Variants in BRPF1 observed in about 807,000 individuals in gnomAD.
BRPF1 encodes bromodomain and PHD finger containing 1.
A neutral mutation model predicts 115.0 loss-of-function variants in BRPF1; 15 were observed. The observed-to-expected ratio is 0.13, with a 90% CI of 0.09 to 0.20. BRPF1 has a LOEUF of 0.20. Among genes scored for constraint, BRPF1 ranks in the 10% least tolerant of loss-of-function variants. BRPF1 has a pLI of 1.00. For missense variants in BRPF1, 1,118 were observed against 1,638.3 expected (o/e 0.68, Z 5.48); for synonymous variants, 647 against 619.8 (o/e 1.04, Z -0.65).
intron 2 of BRPF1, among the ~76,000 whole-genome samples, chr3:9,736,032 G>C (rs1318853491): frequency 1.2e-4 from 1 of 8,254 alleles, no homozygotes; most frequent in Non-Finnish European, 2.2e-4. Flanking sequence ...TTTTTTTTGA[G>C]ACGGAGTCTC....
chr3:9,741,941 C>T, intron 5 of BRPF1, 84 bp from the exon 6 acceptor site: 1 of 1,539,398 alleles, frequency 6.5e-7, no homozygotes, highest in East Asian at 2.3e-5. Context: ...AGGCGGGTTC[C>T]CAGGCCAGCT....
At position 9,743,735 on chromosome 3, in the gene BRPF1, G is replaced by A. The variant is rs765462387; in HGVS notation, c.2469G>A (p.Thr823=). Reference sequence around the variant, plus strand: ...CAAAGATGATCAAGAAAGAGATGACGGCACTGCGGCGGAAGCTTGCCCATC... The same window carrying A: ...CAAAGATGATCAAGAAAGAGATGACAGCACTGCGGCGGAAGCTTGCCCATC... The part of the protein sequence containing the change: ...RRAKMIKKEM[T]ALRRKLAHQR... Residue 823 remains threonine, a synonymous_variant, in exon 8 of 14, where the codon ACG becomes ACA. Coordinates refer to ENST00000383829, the MANE Select transcript of BRPF1 (RefSeq NM_001003694.2). The surrounding 1 kb of genome is among the most constrained non-coding windows in gnomAD (Gnocchi z 6.1). 127 of 1,614,058 alleles carry A rather than the reference G, an allele frequency of 7.9e-5. No homozygotes were observed. The highest frequency in any genetic ancestry group is 9.7e-5 in the Non-Finnish European group (115 of 1,180,046).
rs750976982 is a variant in BRPF1 at position 9,734,178 on chromosome 3, A to G, written c.38A>G (p.Asn13Ser). ...TTTGATGTGAAGACTTTCTGCCACAACTTGCGGGCGACTAAGCCACCATAC... is the reference window on the plus strand; with the variant it reads ...TTTGATGTGAAGACTTTCTGCCACAGCTTGCGGGCGACTAAGCCACCATAC... ...VDFDVKTFCH[N>S]LRATKPPYEC... Residue 13 changes from asparagine (N) to serine (S), a missense_variant, in exon 2 of 14, where the codon AAC becomes AGC. Around this residue, in one of 10 missense-constraint regions of BRPF1, gnomAD observed 280 missense variants for 382.8 expected, o/e 0.73. Transcript: ENST00000383829. This position sits in a 1 kb window ranked among gnomAD's most constrained non-coding sequence, Gnocchi z 5.7. 2.5e-6 allele frequency: 4 copies of G among 1,612,302 alleles called. No homozygotes were observed. Among genetic ancestry groups the G allele is most frequent in the Non-Finnish European group, 3.4e-6 (4 of 1,178,706 alleles).
At chr3:9,736,569 C>T (rs574362269) in intron 2 of BRPF1, among the ~76,000 whole-genome samples, 1 of 152,298 alleles carries the variant, frequency 6.6e-6, no homozygotes, top group East Asian at 1.9e-4. Flanking sequence ...TGAGCTCTCT[C>T]TGCTCTAACA....
At chr3:9,746,211 C>G in intron 12 of BRPF1, 89 bp from the exon 13 acceptor site, 21 of 1,436,782 alleles carry the variant, frequency 1.5e-5, no homozygotes, top group Non-Finnish European at 2.0e-5. Context: ...TCTCTGTCCC[C>G]ACTTCAGACA....
Position 9,745,697 on chromosome 3 carries a change from G to T in BRPF1, c.3193G>T (p.Val1065Leu). The part of the protein sequence containing the change: ...EAYSVGTGRG[V>L]GHSMVRKSLG... ...CTACTCCGTGGGCACTGGCCGCGGCGTGGGCCACAGCAGTAAGTTCCCTTG... is the reference window on the plus strand; with the variant it reads ...CTACTCCGTGGGCACTGGCCGCGGCTTGGGCCACAGCAGTAAGTTCCCTTG... The change falls in exon 11 of 14, where the codon GTG becomes TTG. Residue 1065 changes from valine (V) to leucine (L), a missense_variant. Val to Leu is a conservative substitution (Grantham distance 32). Around this residue, in one of 10 missense-constraint regions of BRPF1, gnomAD observed 100 missense variants for 109.9 expected, o/e 0.91. Transcript: ENST00000383829. This position sits in a 1 kb window ranked among gnomAD's most constrained non-coding sequence, Gnocchi z 5.1. 6.2e-7 allele frequency: 1 copy of T among 1,614,166 alleles called. No homozygotes were observed. Among genetic ancestry groups the T allele is most frequent in the Non-Finnish European group, 8.5e-7 (1 of 1,179,970 alleles).
In BRPF1 at chr3:9,734,885, G is replaced by A. The variant is rs2076914302; in HGVS notation, c.599+146G>A. 3 of 953,096 alleles carry A rather than the reference G, an allele frequency of 3.1e-6. No homozygotes were observed. 59.0% of individuals were successfully genotyped at this position (953,096 alleles called of 1,614,324 possible). On this transcript the variant is annotated intron_variant, in intron 2 of 13. Coordinates refer to ENST00000383829, the MANE Select transcript of BRPF1 (RefSeq NM_001003694.2). The surrounding 1 kb of genome is among the most constrained non-coding windows in gnomAD (Gnocchi z 5.7). ...TTTTGCCAGGGCAGTGAGTGGAATG[G>A]TACGCCACTAATGCACTTACTCTAC...
At position 9,740,986 on chromosome 3, in the gene BRPF1, G is replaced by A. The variant is rs147002530; in HGVS notation, c.1722+45G>A. 4,175 of 1,572,364 alleles carry A rather than the reference G, an allele frequency of 2.7e-3. 11 individuals are homozygous for A. Among genetic ancestry groups the A allele is most frequent in the Non-Finnish European group, 3.1e-3 (3,644 of 1,160,204 alleles). On this transcript the variant is annotated intron_variant, in intron 4 of 13. Coordinates refer to ENST00000383829, the MANE Select transcript of BRPF1 (RefSeq NM_001003694.2). Reference sequence around the variant, plus strand: ...GTGGGCTCTGGGAACTAGCGCCAGGGGGACGAAAACCAAAATTTGCAACTG... The same window carrying A: ...GTGGGCTCTGGGAACTAGCGCCAGGAGGACGAAAACCAAAATTTGCAACTG...
At chr3:9,738,391 A>G (rs2076976083) in intron 2 of BRPF1, among the ~76,000 whole-genome samples, 2 of 152,248 alleles carry the variant, frequency 1.3e-5, no homozygotes, top group Admixed American at 6.5e-5. Context: ...AATCCTCAGT[A>G]AACCTTAGCT....
intron 4 of BRPF1, 45 bp downstream of exon 4, chr3:9,740,986 G>C: frequency 6.4e-7 from 1 of 1,572,378 alleles, no homozygotes; most frequent in Non-Finnish European, 8.6e-7. Context: ...TAGCGCCAGG[G>C]GGACGAAAAC....
At position 9,731,884 on chromosome 3, in the gene BRPF1, G is replaced by C. The variant is rs921120663; in HGVS notation, c.-265G>C. ...GGTCCCGAGACCGGGCATCTTGGGG[G>C]CTCGCGAAACGGGCGGCGGCCGACG... On this transcript the variant is annotated 5_prime_UTR_variant, in exon 1 of 14. Coordinates refer to ENST00000383829, the MANE Select transcript of BRPF1 (RefSeq NM_001003694.2). The C allele has an allele frequency of 4.6e-5, 7 of 152,708 alleles. No homozygotes were observed. The South Asian group carries it at 1.2e-3, about 25-fold the overall frequency. The allele number at this position is 152,708 out of a possible 1,614,324, so 9.5% of individuals were successfully genotyped here.
chr3:9,734,796 C>A lies in BRPF1; in HGVS notation c.599+57C>A. ...AACTGGTCAAGCAGGGCTCACTAGC[C>A]AGAGAGAGGTGAGAGGCACAGATAG... On this transcript the variant is annotated intron_variant, in intron 2 of 13. Coordinates refer to ENST00000383829, the MANE Select transcript of BRPF1 (RefSeq NM_001003694.2). This position sits in a 1 kb window ranked among gnomAD's most constrained non-coding sequence, Gnocchi z 5.7. 2 of 1,581,518 alleles carry A rather than the reference C, an allele frequency of 1.3e-6. No homozygotes were observed. Among genetic ancestry groups the A allele is most frequent in the Non-Finnish European group, 1.7e-6 (2 of 1,156,226 alleles).
At position 9,731,805 on chromosome 3, in the gene BRPF1, G is replaced by C. The variant is rs867142101; in HGVS notation, c.-344G>C. On this transcript the variant is annotated 5_prime_UTR_variant, in exon 1 of 14. Coordinates refer to ENST00000383829, the MANE Select transcript of BRPF1 (RefSeq NM_001003694.2). ...CACAGCCTTTGCCGCCACGGTCTCC[G>C]CCGCCGCTGTCCTCGCGCTGCCTCT... The C allele has an allele frequency of 1.2e-4, 19 of 156,012 alleles. No individual in the cohort carries two copies. Among genetic ancestry groups the C allele is most frequent in the Middle Eastern group, 3.3e-3 (1 of 304 alleles). The allele number at this position is 156,012 out of a possible 1,614,324, so 9.7% of individuals were successfully genotyped here.
Position 9,739,701 on chromosome 3 carries a change from C to T in BRPF1, c.1302C>T (p.Thr434=), listed in dbSNP as rs200969962. 2 of 1,613,610 alleles carry T rather than the reference C, an allele frequency of 1.2e-6. No individual in the cohort carries two copies. Among genetic ancestry groups the T allele is most frequent in the East Asian group, 2.2e-5 (1 of 44,864 alleles). The change falls in exon 3 of 14, where the codon ACC becomes ACT. Residue 434 remains threonine, a synonymous_variant. Transcript: ENST00000383829. ...EPVRETGANG[T]SFSVRKTAYC... ...TGCGGGAGACAGGCGCCAACGGCAC[C>T]TCTTTCAGTGTCCGCAAGACAGCCT... is the stretch of plus-strand genomic sequence containing the variant.
At chr3:9,744,014 A>G (rs2077078488) in intron 8 of BRPF1, 113 bp downstream of exon 8, 4 of 1,354,454 alleles carry the variant, frequency 3.0e-6, no homozygotes, top group African/African-American at 2.9e-5. Context: ...AGCTAGCTGT[A>G]CTTTCTCCCT....
chr3:9,740,097 A>G, intron 3 of BRPF1, 139 bp downstream of exon 3: 1 of 1,392,130 alleles, frequency 7.2e-7, no homozygotes. Context: ...CATATTTTCA[A>G]AACAGATAGT....
chr3:9,745,960 T>A lies in BRPF1; in HGVS notation c.3324+30T>A. 6.3e-7 allele frequency: 1 copy of A among 1,590,410 alleles called. No individual in the cohort carries two copies. The highest frequency in any genetic ancestry group is 8.6e-7 in the Non-Finnish European group (1 of 1,165,342). On this transcript the variant is annotated intron_variant, in intron 12 of 13. Transcript: ENST00000383829. This position sits in a 1 kb window ranked among gnomAD's most constrained non-coding sequence, Gnocchi z 5.1. ...GCTTGCTTCTGTTACACTTCTTGCTTTCCAATCCCAGAATACAGATTCACA... is the reference window on the plus strand; with the variant it reads ...GCTTGCTTCTGTTACACTTCTTGCTATCCAATCCCAGAATACAGATTCACA...
chr3:9,737,103 G>A (rs965340423), intron 2 of BRPF1, among the ~76,000 whole-genome samples: 2 of 152,214 alleles, frequency 1.3e-5, no homozygotes, highest in Admixed American at 6.5e-5. Context: ...CAAAGATAGG[G>A]AGGTTGCAGT....
rs1406246480 is a variant in BRPF1 at position 9,746,446 on chromosome 3, A to G, written c.3471A>G (p.Lys1157=). Residue 1157 remains lysine, a synonymous_variant, in exon 13 of 14, where the codon AAA becomes AAG. Coordinates refer to ENST00000383829, the MANE Select transcript of BRPF1 (RefSeq NM_001003694.2). ...ACCTCGTCCTCTTCTTTGACAACAA[A>G]CGAACCTGGTAAGGAGGGGAGCATT... ...HLYLVLFFDN[K]RTWQWLPRTK... The G allele has an allele frequency of 1.4e-5, 22 of 1,581,564 alleles. No individual in the cohort carries two copies. Among genetic ancestry groups the G allele is most frequent in the Non-Finnish European group, 1.9e-5 (22 of 1,158,782 alleles).
Sources: allele counts gnomAD v4.1 joint callset (sites outside exome capture counted in the v4.1 genomes callset), GRCh38; gene constraint gnomAD v4.1.1; regional missense constraint gnomAD v4.1.1; non-coding constraint Gnocchi (gnomAD v3.1); transcripts MANE v1.5; gene names NCBI Gene and HGNC (gene_info 2026-07-23, HGNC 2026-07-21).